Variants in MYPN observed in about 807,000 individuals in gnomAD.
MYPN encodes the protein sarcomeric protein myopalladin, 145 kDa (MYOP).
MYPN carries 63 observed loss-of-function variants against 129.4 expected under a neutral mutation model. The ratio of observed to expected loss-of-function variants is 0.49; its 90% CI spans 0.40 to 0.60. MYPN has a LOEUF of 0.60. Among genes scored for constraint, MYPN ranks in the 20% least tolerant of loss-of-function variants. The pLI, the probability that MYPN is intolerant of heterozygous loss-of-function variation, is 0.00. For missense variants in MYPN, 1,596 were observed against 1,635.4 expected, an observed-to-expected ratio of 0.98 and a Z score of 0.42; for synonymous variants, 629 against 600.9, an observed-to-expected ratio of 1.05 and a Z score of -0.68.
intron 6 of MYPN, among the ~76,000 whole-genome samples, chr10:68,153,144 C>A (rs1039794686): frequency 6.6e-6 from 1 of 151,924 alleles, no homozygotes; most frequent in Non-Finnish European, 1.5e-5. Flanking sequence ...CACCACCATG[C>A]CTGGCTAATT....
At chr10:68,135,263 A>G (rs1444265622) in intron 2 of MYPN, among the ~76,000 whole-genome samples, 1 of 152,168 alleles carries the variant, frequency 6.6e-6, no homozygotes, top group African/African-American at 2.4e-5. Flanking sequence ...AGAACTCAAT[A>G]AATTTTAATA....
upstream of MYPN, chr10:68,109,153 G>C (rs930330693): frequency 4.3e-5 from 7 of 163,274 alleles, no homozygotes; most frequent in Admixed American, 1.8e-4. Flanking sequence ...GTCCTAAAAT[G>C]TATCAGTGAT....
chr10:68,162,189 AC>A (rs1427647352), intron 8 of MYPN: 1,909 of 49,012 alleles, frequency 0.039, 61 homozygotes, highest in Non-Finnish European at 0.077. Context: ...AAAAAAAAAA[AC>A]ATCCAAATGA....
intron 19 of MYPN, among the ~76,000 whole-genome samples, chr10:68,208,165 C>A (rs1374940451): frequency 6.6e-6 from 1 of 151,916 alleles, no homozygotes; most frequent in African/African-American, 2.4e-5. Flanking sequence ...TTTTTTTAAT[C>A]CTTTTTGAAA....
intron 10 of MYPN, among the ~76,000 whole-genome samples, chr10:68,171,562 A>C (rs1189695242): frequency 1.3e-5 from 2 of 152,236 alleles, no homozygotes; most frequent in Non-Finnish European, 2.9e-5. Context: ...ACTGACCTAC[A>C]TTTGAAAAGA....
At chr10:68,154,092 A>G (rs1437089695) in intron 6 of MYPN, among the ~76,000 whole-genome samples, 1 of 152,208 alleles carries the variant, frequency 6.6e-6, no homozygotes, top group African/African-American at 2.4e-5. Context: ...TTCCAAAACT[A>G]GTTCACTACT....
At chr10:68,130,427 T>TGA (rs2134022068) in intron 2 of MYPN, among the ~76,000 whole-genome samples, 1 of 148,316 alleles carries the variant, frequency 6.7e-6, no homozygotes, top group African/African-American at 2.5e-5. Flanking sequence ...GCCATTGCAC[T>TGA]CCAGCCTGGG....
chr10:68,088,130 T>C (rs901918606), intron 1 of MYPN, among the ~76,000 whole-genome samples: 5 of 152,214 alleles, frequency 3.3e-5, no homozygotes, highest in Non-Finnish European at 5.9e-5. Context: ...GAGCAATAGA[T>C]GAAGAACATT....
At chr10:68,188,261 C>T (rs10997999) in intron 12 of MYPN, among the ~76,000 whole-genome samples, 27,300 of 151,930 alleles carry the variant, frequency 0.18, 2,873 homozygotes, top group Middle Eastern at 0.26. Flanking sequence ...AGGTGTGCAC[C>T]GCCACACCCA....
chr10:68,148,246 T>G lies in MYPN; in HGVS notation c.1131-107T>G. ...GTAAAATATCATCAAACCAAGATTT[T>G]TATTACACTCACCTGTAAGCAGTGA... On this transcript the variant is annotated intron_variant, in intron 4 of 19. Transcript: ENST00000358913. The G allele has an allele frequency of 3.2e-6, 3 of 937,088 alleles. 1 individual carries two copies. In the South Asian group the frequency reaches 4.4e-5, roughly 14 times the overall value. 58.0% of individuals were successfully genotyped at this position (937,088 alleles called of 1,614,324 possible). A position where few individuals can be genotyped will look rare whatever the true frequency, so the allele number is the denominator to read the frequency against.
rs371499618 is a variant in MYPN, at chr10:68,135,217, T to C, written c.903-7723T>C. On this transcript the variant is annotated intron_variant, in intron 2 of 19. Coordinates refer to ENST00000358913, the MANE Select transcript of MYPN (RefSeq NM_032578.4). ...ATCCACCTGCCTCAGCCTCCCAAAG[T>C]GCTGGGATCACAGGCGTGAGCCACC... Among the ~76,000 whole-genome samples the C allele has an allele frequency of 9.9e-5, 15 of 152,232 alleles. No individual in the cohort carries two copies. The East Asian group carries it at 2.5e-3, about 26-fold the overall frequency.
chr10:68,167,571 A>T (rs1186501939), intron 10 of MYPN, among the ~76,000 whole-genome samples: 2 of 129,884 alleles, frequency 1.5e-5, no homozygotes, highest in Non-Finnish European at 3.5e-5. Flanking sequence ...TTTCATCCAC[A>T]CATCAAAATG....
intron 12 of MYPN, among the ~76,000 whole-genome samples, chr10:68,182,586 A>T (rs2043354884): frequency 6.7e-6 from 1 of 150,212 alleles, no homozygotes; most frequent in Non-Finnish European, 1.5e-5. Flanking sequence ...GGCTCACTGC[A>T]ACCTGTGCCT....
At chr10:68,209,671 C>CTTTTTTTTTTTTTTTTTTTTT (rs35392300) in intron 19 of MYPN, among the ~76,000 whole-genome samples, 45 of 131,168 alleles carry the variant, frequency 3.4e-4, no homozygotes, top group Non-Finnish European at 4.8e-4. Context: ...GAATTCTTTT[C>CTTTTTTTTTTTTTTTTTTTTT]TTTTTTTTTT....
At chr10:68,203,983 C>A (rs2134322639) in intron 18 of MYPN, among the ~76,000 whole-genome samples, 1 of 152,306 alleles carries the variant, frequency 6.6e-6, no homozygotes, top group Middle Eastern at 3.4e-3. Flanking sequence ...TTCTCTACCT[C>A]CACGCTGCAG....
intron 12 of MYPN, among the ~76,000 whole-genome samples, chr10:68,183,987 A>T (rs539542017): frequency 1.3e-5 from 2 of 152,254 alleles, no homozygotes; most frequent in East Asian, 3.9e-4. Flanking sequence ...ATGTCATTGC[A>T]CTCCAGCCTG....
intron 17 of MYPN, among the ~76,000 whole-genome samples, chr10:68,201,239 G>C (rs527515592): frequency 1.3e-5 from 2 of 152,172 alleles, no homozygotes; most frequent in African/African-American, 2.4e-5. Flanking sequence ...CATCCCATGC[G>C]AACGACCCAG....
At chr10:68,163,132 C>T (rs190754734) in intron 8 of MYPN, among the ~76,000 whole-genome samples, 2 of 152,138 alleles carry the variant, frequency 1.3e-5, no homozygotes, top group East Asian at 3.9e-4. Context: ...CCCACCTCTA[C>T]AAAAACTCAA....
chr10:68,184,552 C>T (rs185634800), intron 12 of MYPN, among the ~76,000 whole-genome samples: 20 of 152,152 alleles, frequency 1.3e-4, no homozygotes, highest in African/African-American at 4.6e-4. Flanking sequence ...TCTCAGACTC[C>T]CGAGTAGCTG....
Sources: gnomAD v4.1 joint callset for allele counts (sites outside exome capture counted in the v4.1 genomes callset) on GRCh38, gnomAD v4.1.1 for gene constraint, MANE v1.5 for transcripts, NCBI Gene and HGNC (gene_info 2026-07-23, HGNC 2026-07-21) for gene names.